The following HERC1 variants were observed in gnomAD, a reference collection of about 807,000 sequenced individuals.
HERC1 encodes HECT and RLD domain containing E3 ubiquitin protein ligase family member 1.
HERC1 carries 160 observed loss-of-function variants against 554.3 expected under a neutral mutation model. The observed-to-expected ratio is 0.29, with a 90% CI of 0.25 to 0.33. The LOEUF is 0.33. Among genes scored for constraint, HERC1 ranks in the 10% least tolerant of loss-of-function variants. The pLI, the probability that HERC1 is intolerant of heterozygous loss-of-function variation, is 1.00. For synonymous variants in HERC1, 2,175 were observed against 2,131.7 expected (o/e 1.02, Z -0.56); for missense variants, 4,919 against 5,918.5 (o/e 0.83, Z 5.54).
intron 52 of HERC1, 127 bp downstream of exon 52, chr15:63,652,287 G>C (rs2069732987): frequency 1.5e-6 from 1 of 660,564 alleles, no homozygotes; most frequent in African/African-American, 1.9e-5. Context: ...TGAAAATACA[G>C]TAATACTAAT....
chr15:63,771,374 T>A (rs1284550603), intron 2 of HERC1, among the ~76,000 whole-genome samples: 1 of 151,876 alleles, frequency 6.6e-6, no homozygotes, highest in Non-Finnish European at 1.5e-5. Context: ...CTTTGAGACC[T>A]AAATTAAGTC....
At chr15:63,832,389 A>G (rs1019154496) in intron 1 of HERC1, among the ~76,000 whole-genome samples, 2 of 152,172 alleles carry the variant, frequency 1.3e-5, no homozygotes, top group African/African-American at 4.8e-5. Flanking sequence ...TATCAAAGAG[A>G]CATACTCATC....
rs1466330282 is a variant in HERC1 at position 63,723,241 on chromosome 15, C to T, written c.3683G>A (p.Cys1228Tyr). The T allele has an allele frequency of 1.9e-6, 3 of 1,598,894 alleles. No homozygotes were observed. Among genetic ancestry groups the T allele is most frequent in the Non-Finnish European group, 1.7e-6 (2 of 1,171,882 alleles). ...IAVYVDLALG[C>Y]SKEPARSLWI... ...AAGGCTTCGGGCAGGCTCTTTAGAA[C>T]AACCCAATGCCAAGTCTACATAGAC... Residue 1228 changes from cysteine (C) to tyrosine (Y), a missense_variant, in exon 19 of 78, where the codon TGT becomes TAT. Cys to Tyr is a radical substitution (Grantham distance 194, BLOSUM62 -2). Coordinates refer to ENST00000443617, the MANE Select transcript of HERC1 (RefSeq NM_003922.4).
In HERC1 at chr15:63,756,807, A is replaced by G; in HGVS notation, c.1222-59T>C. On this transcript the variant is annotated intron_variant, in intron 4 of 77. Transcript: ENST00000443617. This position sits in a 1 kb window ranked among gnomAD's most constrained non-coding sequence, Gnocchi z 5.0. ...CTGTGAGTATCAAAGTATAATATTT[A>G]AGGCTGGTTTTATCAAAGAGCCTCA... The G allele has an allele frequency of 5.4e-6, 6 of 1,106,346 alleles. No individual in the cohort carries two copies. The highest frequency in any genetic ancestry group is 1.6e-5 in the African/African-American group (1 of 63,428). The allele number at this position is 1,106,346 out of a possible 1,614,324, so 68.5% of individuals were successfully genotyped here.
intron 1 of HERC1, among the ~76,000 whole-genome samples, chr15:63,809,158 T>A (rs955404298): frequency 4.6e-5 from 7 of 152,116 alleles, no homozygotes; most frequent in African/African-American, 1.7e-4. Context: ...GAAATAGGGA[T>A]GGAGGGGGAA....
At chr15:63,825,309 T>G (rs1399117947) in intron 1 of HERC1, among the ~76,000 whole-genome samples, 1 of 151,910 alleles carries the variant, frequency 6.6e-6, no homozygotes, top group Admixed American at 6.6e-5. Context: ...AAAAAATAAA[T>G]AAAGTTAGCA....
chr15:63,827,653 G>A (rs1348067417), intron 1 of HERC1, among the ~76,000 whole-genome samples: 2 of 152,208 alleles, frequency 1.3e-5, no homozygotes, highest in African/African-American at 2.4e-5. Flanking sequence ...ATATACCCAT[G>A]AGAATTAAAA....
At chr15:63,647,958 A>G (rs1477752173) in intron 55 of HERC1, 111 bp downstream of exon 55, 1 of 836,364 alleles carries the variant, frequency 1.2e-6, no homozygotes, top group East Asian at 2.7e-5. Context: ...AATGTATGTC[A>G]TTTGGGTGAT....
chr15:63,675,097 G>A lies in HERC1; in HGVS notation c.7091C>T (p.Pro2364Leu). 1 of 1,587,780 alleles carries A rather than the reference G, an allele frequency of 6.3e-7. No individual in the cohort carries two copies. The highest frequency in any genetic ancestry group is 8.6e-7 in the Non-Finnish European group (1 of 1,165,202). ...ITISFPTFWS[P>L]SDTPLYNLEP... ...CAGATTATACAATGGAGTATCACTA[G>A]GCGACCAAAAAGTTGGGAAGCTTTA... Residue 2364 changes from proline (P) to leucine (L), a missense_variant, in exon 38 of 78, where the codon CCT (proline) becomes CTT (leucine). This residue lies in a region of HERC1 where 1,963 missense variants were observed against 2,228.6 expected (regional missense o/e 0.88). Coordinates refer to ENST00000443617, the MANE Select transcript of HERC1 (RefSeq NM_003922.4).
At chr15:63,817,720 A>T (rs2077541717) in intron 1 of HERC1, among the ~76,000 whole-genome samples, 1 of 152,182 alleles carries the variant, frequency 6.6e-6, no homozygotes, top group African/African-American at 2.4e-5. Context: ...GTCTCAAATA[A>T]TAATAACAAC....
chr15:63,700,928 T>G (rs2072683787), intron 25 of HERC1, among the ~76,000 whole-genome samples: 1 of 151,974 alleles, frequency 6.6e-6, no homozygotes, highest in South Asian at 2.1e-4. Context: ...TATACATTCT[T>G]TTTTCATTTC....
At chr15:63,675,700 T>C (rs2071163340) in intron 37 of HERC1, among the ~76,000 whole-genome samples, 2 of 152,176 alleles carry the variant, frequency 1.3e-5, no homozygotes. Context: ...CAAAATATAA[T>C]TATATATTTC....
chr15:63,805,439 C>T (rs907898406), intron 1 of HERC1, among the ~76,000 whole-genome samples: 6 of 152,062 alleles, frequency 3.9e-5, no homozygotes, highest in African/African-American at 9.7e-5. Flanking sequence ...GTAAAAACCA[C>T]GGTGATAAAA....
At chr15:63,687,892 A>G (rs1259209084) in intron 33 of HERC1, among the ~76,000 whole-genome samples, 2 of 152,218 alleles carry the variant, frequency 1.3e-5, no homozygotes, top group African/African-American at 4.8e-5. Flanking sequence ...CTAAGGAATG[A>G]GCAGGATTAC....
At chr15:63,624,061 C>A in intron 72 of HERC1, 97 bp downstream of exon 72, 2 of 1,318,776 alleles carry the variant, frequency 1.5e-6, no homozygotes, top group African/African-American at 1.5e-5. Context: ...ATCTACCCTG[C>A]CTTAGAAGTG....
intron 39 of HERC1, 27 bp from the exon 40 acceptor site, chr15:63,669,725 T>C (rs1183936001): frequency 8.7e-6 from 14 of 1,602,922 alleles, no homozygotes; most frequent in South Asian, 1.1e-5. Flanking sequence ...GTGGTTAGCA[T>C]AAAAATCCAA....
intron 12 of HERC1, among the ~76,000 whole-genome samples, chr15:63,741,694 C>T (rs1373153300): frequency 6.6e-6 from 1 of 152,186 alleles, no homozygotes; most frequent in Non-Finnish European, 1.5e-5. Context: ...GGGCCAACTT[C>T]ATTCTTTTGC....
chr15:63,718,480 A>G lies in HERC1; in HGVS notation c.3978+94T>C. The G allele has an allele frequency of 7.9e-7, 1 of 1,269,254 alleles. No homozygotes were observed. The highest frequency in any genetic ancestry group is 1.1e-6 in the Non-Finnish European group (1 of 933,174). The allele number at this position is 1,269,254 out of a possible 1,614,324, so 78.6% of individuals were successfully genotyped here. ...TCAACATGTATTGAACATATGCAAT[A>G]ACCAAGGCACATTTTTTTCTCACAT... On this transcript the variant is annotated intron_variant, in intron 21 of 77. Coordinates refer to ENST00000443617, the MANE Select transcript of HERC1 (RefSeq NM_003922.4). The surrounding 1 kb of genome is among the most constrained non-coding windows in gnomAD (Gnocchi z 4.2).
rs920307512 is a variant in HERC1, at chr15:63,628,874, A to G, written c.12967-59T>C. ...TTAGAAAGAGGAAGAGAGGAAGTCA[A>G]TATGAAATTTTTCTTAGATGGTGGC... is the stretch of plus-strand genomic sequence containing the variant. On this transcript the variant is annotated intron_variant, in intron 69 of 77. Coordinates refer to ENST00000443617, the MANE Select transcript of HERC1 (RefSeq NM_003922.4). 3.9e-6 allele frequency: 6 copies of G among 1,551,296 alleles called. No individual in the cohort carries two copies. In the African/African-American group the frequency reaches 5.5e-5, roughly 14 times the overall value.
Sources: gnomAD v4.1 joint callset for allele counts (sites outside exome capture counted in the v4.1 genomes callset) on GRCh38, gnomAD v4.1.1 for gene constraint, gnomAD v4.1.1 regional missense constraint, Gnocchi (gnomAD v3.1) non-coding constraint, MANE v1.5 for transcripts, NCBI Gene and HGNC (gene_info 2026-07-23, HGNC 2026-07-21) for gene names.